UNC5C: variants seen among roughly 807,000 people sequenced by gnomAD.
UNC5C encodes unc-5 netrin receptor C, also known as netrin receptor UNC5C.
UNC5C carries 47 observed loss-of-function variants against 99.8 expected under a neutral mutation model. The ratio of observed to expected loss-of-function variants is 0.47; its 90% confidence interval spans 0.37 to 0.60. The LOEUF is 0.60. UNC5C is among the 20% of genes least tolerant of loss of function. The pLI, the probability that UNC5C is intolerant of heterozygous loss-of-function variation, is 0.00. For synonymous variants in UNC5C, 487 were observed against 452.2 expected, an observed-to-expected ratio of 1.08 and a Z score of -0.98; for missense variants, 1,062 against 1,165.9, an observed-to-expected ratio of 0.91 and a Z score of 1.30.
intron 4 of UNC5C, among the ~76,000 whole-genome samples, chr4:95,252,905 G>A (rs1325039365): frequency 6.6e-6 from 1 of 152,130 alleles, no homozygotes; most frequent in Non-Finnish European, 1.5e-5. Flanking sequence ...TTTGTTTCAG[G>A]CACAAAATTG....
At chr4:95,280,555 G>T (rs952887459) in intron 3 of UNC5C, among the ~76,000 whole-genome samples, 5 of 152,038 alleles carry the variant, frequency 3.3e-5, no homozygotes, top group African/African-American at 9.7e-5. Flanking sequence ...TTGGCATGGT[G>T]GCGTGGGCCT....
At position 95,169,269 on chromosome 4, in the gene UNC5C, T is replaced by A; in HGVS notation, c.2761A>T (p.Thr921Ser). Residue 921 changes from threonine (T) to serine (S), a missense_variant, in exon 16 of 16, where the codon ACG becomes TCG. Physicochemically the swap from Thr to Ser is moderately conservative, Grantham distance 58. Transcript: ENST00000453304. ...AVLEEMGRHETVVSLAAEGQY is the reference protein window; with the variant it reads ...AVLEEMGRHESVVSLAAEGQY ...CCTTCTGCTGCTAAGGACACCACCG[T>A]TTCATGTCTTCCCATTTCTTCCAAG... 6.2e-7 allele frequency: 1 copy of A among 1,614,192 alleles called. No homozygotes were observed. Among genetic ancestry groups the A allele is most frequent in the Non-Finnish European group, 8.5e-7 (1 of 1,180,040 alleles).
At chr4:95,538,374 TG>T (rs1420412885) in intron 1 of UNC5C, among the ~76,000 whole-genome samples, 7 of 152,214 alleles carry the variant, frequency 4.6e-5, no homozygotes, top group African/African-American at 1.7e-4. Flanking sequence ...GTGTGTTGTT[TG>T]AACATTCCTT....
intron 1 of UNC5C, among the ~76,000 whole-genome samples, chr4:95,498,934 G>A (rs773046682): frequency 3.3e-5 from 5 of 151,918 alleles, no homozygotes; most frequent in African/African-American, 7.3e-5. Flanking sequence ...TTCTCCAAAC[G>A]TACTTGTGCT....
intron 2 of UNC5C, among the ~76,000 whole-genome samples, chr4:95,314,221 G>C (rs548376198): frequency 6.6e-6 from 1 of 152,142 alleles, no homozygotes; most frequent in East Asian, 1.9e-4. Context: ...CAGTGGACTC[G>C]GGCAAGTCAA....
chr4:95,347,436 C>T (rs889415078), intron 1 of UNC5C, among the ~76,000 whole-genome samples: 1 of 151,810 alleles, frequency 6.6e-6, no homozygotes, highest in African/African-American at 2.4e-5. Flanking sequence ...CCACAACACA[C>T]CCAGAATAGC....
chr4:95,506,872 G>T (rs1331172178), intron 1 of UNC5C, among the ~76,000 whole-genome samples: 2 of 151,528 alleles, frequency 1.3e-5, no homozygotes, highest in African/African-American at 4.8e-5. Context: ...GATGTTGAGG[G>T]TACATTTGAT....
In UNC5C at chr4:95,424,766, G is replaced by A. The variant is rs141894820; in HGVS notation, c.125-89135C>T. Reference sequence around the variant, plus strand: ...TCTGGATCTCCTGACCTCGTGATCCGCCCTCCTTGGCCTCCCAAAGTGCTG... The same window carrying A: ...TCTGGATCTCCTGACCTCGTGATCCACCCTCCTTGGCCTCCCAAAGTGCTG... On this transcript the variant is annotated intron_variant, in intron 1 of 15. Transcript: ENST00000453304. Among the ~76,000 whole-genome samples, 1,165 of 151,732 alleles carry A rather than the reference G, an allele frequency of 7.7e-3. 21 individuals carry two copies. Among genetic ancestry groups the A allele is most frequent in the African/African-American group, 0.026 (1,066 of 41,390 alleles).
At position 95,278,258 on chromosome 4, in the gene UNC5C, C is replaced by T. The variant is rs758383572; in HGVS notation, c.594+1G>A. On this transcript the variant is annotated splice_donor_variant, in intron 4 of 15. Transcript: ENST00000453304. LOFTEE classifies it high-confidence loss of function. ...AAATGCAAAGAATTGTTGTTATTCA[C>T]CTCAGCCACTGGGATCCCTTCAGGT... is the stretch of plus-strand genomic sequence containing the variant. 3 of 1,612,952 alleles carry T rather than the reference C, an allele frequency of 1.9e-6. No individual in the cohort carries two copies. Among genetic ancestry groups the T allele is most frequent in the South Asian group, 1.1e-5 (1 of 91,070 alleles).
At chr4:95,435,085 G>C (rs1746738235) in intron 1 of UNC5C, among the ~76,000 whole-genome samples, 1 of 152,060 alleles carries the variant, frequency 6.6e-6, no homozygotes, top group Non-Finnish European at 1.5e-5. Context: ...TGTACTGACT[G>C]GTTGGGAATC....
At chr4:95,288,144 G>A (rs2865432) in intron 3 of UNC5C, among the ~76,000 whole-genome samples, 9 of 151,686 alleles carry the variant, frequency 5.9e-5, no homozygotes, top group African/African-American at 1.9e-4. Flanking sequence ...GTGCAGTGGC[G>A]CGACCTCTGC....
intron 1 of UNC5C, among the ~76,000 whole-genome samples, chr4:95,340,413 T>C (rs1191172716): frequency 6.6e-6 from 1 of 152,130 alleles, no homozygotes; most frequent in Admixed American, 6.6e-5. Context: ...TGCATTTGGC[T>C]ACCCATCCAT....
intron 3 of UNC5C, among the ~76,000 whole-genome samples, chr4:95,293,353 A>C (rs1377408961): frequency 8.7e-6 from 1 of 114,684 alleles, no homozygotes; most frequent in Non-Finnish European, 1.6e-5. Context: ...CCCAGGCTGG[A>C]GTACAGTGGT....
chr4:95,205,596 G>A (rs2149361866), intron 11 of UNC5C, among the ~76,000 whole-genome samples: 1 of 152,070 alleles, frequency 6.6e-6, no homozygotes, highest in South Asian at 2.1e-4. Context: ...ATTATCATAA[G>A]TAATCACAAA....
At chr4:95,380,435 T>C (rs543870435) in intron 1 of UNC5C, among the ~76,000 whole-genome samples, 20 of 142,652 alleles carry the variant, frequency 1.4e-4, no homozygotes, top group African/African-American at 5.1e-4. Flanking sequence ...GTCTAATACT[T>C]AAGAAACATT....
chr4:95,494,306 T>C (rs1721575844), intron 1 of UNC5C, among the ~76,000 whole-genome samples: 2 of 151,512 alleles, frequency 1.3e-5, no homozygotes, highest in Admixed American at 6.6e-5. Context: ...GTGTGTTGGA[T>C]ATGTAAAGAT....
At chr4:95,200,903 G>GTGAT (rs1203741108) in intron 12 of UNC5C, among the ~76,000 whole-genome samples, 1 of 152,018 alleles carries the variant, frequency 6.6e-6, no homozygotes, top group African/African-American at 2.4e-5. Context: ...AACCCCCAGT[G>GTGAT]TGATAGTATT....
At chr4:95,215,885 C>A (rs938564322) in intron 10 of UNC5C, among the ~76,000 whole-genome samples, 1 of 152,124 alleles carries the variant, frequency 6.6e-6, no homozygotes, top group Non-Finnish European at 1.5e-5. Flanking sequence ...AATATGGCAA[C>A]GTGTCCACTT....
chr4:95,339,208 T>C (rs1743462738), intron 1 of UNC5C, among the ~76,000 whole-genome samples: 1 of 152,132 alleles, frequency 6.6e-6, no homozygotes. Flanking sequence ...CAAGCGTATT[T>C]GCAATGGTGT....
Sources: allele counts gnomAD v4.1 joint callset (sites outside exome capture counted in the v4.1 genomes callset), GRCh38; gene constraint gnomAD v4.1.1; transcripts MANE v1.5; gene names NCBI Gene and HGNC (gene_info 2026-07-23, HGNC 2026-07-21).